Variants in MYO1D observed in about 807,000 individuals in gnomAD.
MYO1D encodes myosin ID.
MYO1D carries 83 observed loss-of-function variants against 122.0 expected under a neutral mutation model. The observed-to-expected ratio is 0.68, with a 90% CI of 0.57 to 0.82. MYO1D has a LOEUF of 0.82. MYO1D is among the 40% of genes least tolerant of loss of function. MYO1D has a pLI of 0.00. For missense variants in MYO1D, 1,157 were observed against 1,269.5 expected, an observed-to-expected ratio of 0.91 and a Z score of 1.35; for synonymous variants, 464 against 446.9, an observed-to-expected ratio of 1.04 and a Z score of -0.48.
intron 1 of MYO1D, among the ~76,000 whole-genome samples, chr17:32,789,250 CTCTT>C (rs1399312598): frequency 6.6e-6 from 1 of 152,080 alleles, no homozygotes; most frequent in African/African-American, 2.4e-5. Flanking sequence ...AATTTGGATG[CTCTT>C]TCTTTCTTTC....
At chr17:32,731,861 C>T (rs1169837995) in intron 14 of MYO1D, among the ~76,000 whole-genome samples, 1 of 152,182 alleles carries the variant, frequency 6.6e-6, no homozygotes, top group Admixed American at 6.5e-5. Context: ...CCATAACCAC[C>T]CAGCCATGGC....
intron 1 of MYO1D, among the ~76,000 whole-genome samples, chr17:32,872,076 G>C (rs1276022727): frequency 6.6e-6 from 1 of 152,030 alleles, no homozygotes. Context: ...AGAGACCCTT[G>C]GAAATTGGAA....
intron 2 of MYO1D, among the ~76,000 whole-genome samples, chr17:32,779,631 C>T (rs1285119918): frequency 2.0e-5 from 3 of 151,966 alleles, no homozygotes; most frequent in Non-Finnish European, 4.4e-5. Context: ...GGCGAAGAAA[C>T]GTTTTGCTTT....
intron 1 of MYO1D, among the ~76,000 whole-genome samples, chr17:32,801,871 T>A (rs112884719): frequency 6.6e-6 from 1 of 151,498 alleles, no homozygotes; most frequent in South Asian, 2.1e-4. Context: ...GAACCTGGAC[T>A]ATCTTTATGA....
At chr17:32,497,378 G>T (rs1909158609) in intron 21 of MYO1D, among the ~76,000 whole-genome samples, 1 of 152,130 alleles carries the variant, frequency 6.6e-6, no homozygotes, top group Non-Finnish European at 1.5e-5. Context: ...GATCGCCTGA[G>T]CCCGGGAATT....
At chr17:32,646,694 C>G (rs955270398) in intron 19 of MYO1D, among the ~76,000 whole-genome samples, 8 of 152,090 alleles carry the variant, frequency 5.3e-5, no homozygotes, top group Non-Finnish European at 4.4e-5. Flanking sequence ...TATGAAAACA[C>G]TGTTTGAAAA....
At chr17:32,586,550 TG>T (rs1597913173) in intron 21 of MYO1D, among the ~76,000 whole-genome samples, 1 of 152,242 alleles carries the variant, frequency 6.6e-6, no homozygotes, top group East Asian at 1.9e-4. Context: ...TTTGCAAATT[TG>T]TAAGTATGTC....
intron 1 of MYO1D, among the ~76,000 whole-genome samples, chr17:32,842,010 C>A (rs1382365534): frequency 6.6e-6 from 1 of 152,126 alleles, no homozygotes; most frequent in African/African-American, 2.4e-5. Context: ...ATTTGAAGAT[C>A]TGAGTGAGAT....
chr17:32,539,825 C>A (rs1317074136), intron 21 of MYO1D, among the ~76,000 whole-genome samples: 1 of 152,138 alleles, frequency 6.6e-6, no homozygotes, highest in Non-Finnish European at 1.5e-5. Context: ...CATTAGCCTG[C>A]CACACATGTA....
rs60912187 is a variant in MYO1D, at chr17:32,673,090, CTTTTTTTTTTTTTTTTTTT to C, written c.2122-13771_2122-13753del. On this transcript the variant is annotated intron_variant, in intron 16 of 21. Coordinates refer to ENST00000318217, the MANE Select transcript of MYO1D (RefSeq NM_015194.3). ...TGTAAGGAATTACATAAACATGCTA[CTTTTTTTTTTTTTTTTTTT>C]TTTTTTTTTTTTTTTTTTGAGACAG... is the stretch of plus-strand genomic sequence containing the variant. 4.4e-3 allele frequency among the ~76,000 whole-genome samples: 126 copies of C among 28,656 alleles called. 1 individual carries two copies. The highest frequency in any genetic ancestry group is 8.4e-3 in the Admixed American group (13 of 1,544). 18.8% of individuals were successfully genotyped at this position (28,656 alleles called of 152,430 possible).
intron 4 of MYO1D, among the ~76,000 whole-genome samples, chr17:32,774,712 C>T (rs2090156410): frequency 6.6e-6 from 1 of 152,158 alleles, no homozygotes; most frequent in African/African-American, 2.4e-5. Flanking sequence ...GGAAAAAGGA[C>T]TGATAATAAT....
chr17:32,652,751 A>G (rs1378112526), intron 19 of MYO1D, among the ~76,000 whole-genome samples: 1 of 152,176 alleles, frequency 6.6e-6, no homozygotes, highest in East Asian at 1.9e-4. Flanking sequence ...ATACATTCAT[A>G]GCAGGTAACT....
intron 14 of MYO1D, among the ~76,000 whole-genome samples, chr17:32,721,712 A>C (rs1270566111): frequency 6.6e-6 from 1 of 152,232 alleles, no homozygotes; most frequent in Non-Finnish European, 1.5e-5. Flanking sequence ...AAGAGATTAA[A>C]CTTCACGGGT....
chr17:32,765,996 C>A (rs750301051), intron 7 of MYO1D, among the ~76,000 whole-genome samples: 4 of 151,996 alleles, frequency 2.6e-5, no homozygotes, highest in Non-Finnish European at 5.9e-5. Context: ...GATCCTTCCA[C>A]CCCCAGCCCC....
chr17:32,698,971 A>T (rs1250241238), intron 16 of MYO1D, among the ~76,000 whole-genome samples: 1 of 152,084 alleles, frequency 6.6e-6, no homozygotes, highest in Non-Finnish European at 1.5e-5. Context: ...ATTTTATTTT[A>T]ATTTTAATTT....
At chr17:32,623,894 T>G (rs2087886785) in intron 20 of MYO1D, among the ~76,000 whole-genome samples, 2 of 152,308 alleles carry the variant, frequency 1.3e-5, no homozygotes, top group Non-Finnish European at 2.9e-5. Context: ...AATCCCATTA[T>G]GAGGGTAGAA....
At chr17:32,850,396 T>C (rs1160771134) in intron 1 of MYO1D, among the ~76,000 whole-genome samples, 1 of 152,220 alleles carries the variant, frequency 6.6e-6, no homozygotes, top group Non-Finnish European at 1.5e-5. Flanking sequence ...AGACCTGAAC[T>C]ACTGCACTAC....
chr17:32,593,993 G>A (rs565793059), intron 21 of MYO1D, among the ~76,000 whole-genome samples: 109 of 152,262 alleles, frequency 7.2e-4, no homozygotes, highest in African/African-American at 2.6e-3. Context: ...ATTCAGTCCT[G>A]GTGTTCTTAC....
intron 1 of MYO1D, among the ~76,000 whole-genome samples, chr17:32,874,756 C>T (rs2091214611): frequency 6.6e-6 from 1 of 151,938 alleles, no homozygotes; most frequent in African/African-American, 2.4e-5. Context: ...CTCTAAGGGC[C>T]CATCTCTAAA....
Sources: allele counts gnomAD v4.1 joint callset (sites outside exome capture counted in the v4.1 genomes callset), GRCh38; gene constraint gnomAD v4.1.1; transcripts MANE v1.5; gene names NCBI Gene and HGNC (gene_info 2026-07-23, HGNC 2026-07-21).